CHD9: variants seen among roughly 807,000 people sequenced by gnomAD.
The protein encoded by CHD9 is ATP-dependent chromatin remodeler CHD9.
In CHD9, 77 loss-of-function variants were observed where a neutral mutation model predicts 316.1. The observed-to-expected ratio is 0.24, with a 90% CI of 0.20 to 0.29. The LOEUF is 0.29. Ranked by LOEUF, CHD9 falls within the 10% of genes least tolerant of loss-of-function variation. The pLI is 1.00. For synonymous variants in CHD9, 1,129 were observed against 1,158.3 expected (o/e 0.97, Z 0.51); for missense variants, 2,763 against 3,438.1 (o/e 0.80, Z 4.91).
chr16:53,182,666 A>G (rs1410237779), intron 2 of CHD9, among the ~76,000 whole-genome samples: 2 of 152,182 alleles, frequency 1.3e-5, no homozygotes. Context: ...GAGTTTTAGA[A>G]AAACACTTCA....
At chr16:53,077,459 G>A (rs2034637254) in intron 1 of CHD9, among the ~76,000 whole-genome samples, 2 of 151,922 alleles carry the variant, frequency 1.3e-5, no homozygotes, top group Non-Finnish European at 2.9e-5. Flanking sequence ...GAGTAGCTGG[G>A]ACTACAGGCA....
At chr16:53,181,052 C>A (rs2043472887) in intron 2 of CHD9, among the ~76,000 whole-genome samples, 1 of 151,072 alleles carries the variant, frequency 6.6e-6, no homozygotes, top group African/African-American at 2.4e-5. Context: ...CTGTTGTTGC[C>A]CAGACTGGAG....
rs1228951931 is a variant in CHD9 at position 53,304,315 on chromosome 16, C to G, written c.6309C>G (p.Arg2103=). Residue 2103 remains arginine (R), a synonymous_variant, in exon 31 of 39, where the codon CGC becomes CGG. Transcript: ENST00000447540. The stretch of plus-strand genomic sequence containing the variant: ...GTGGAAAATGTGAAACAGACAGACG[C>G]ATGGTTGCAGCCAGAACAGAACCCC... ...KSGGKCETDR[R]MVAARTEPLT... is the part of the protein sequence containing the mutation. 4 of 1,612,302 alleles carry G rather than the reference C, an allele frequency of 2.5e-6. No individual in the cohort carries two copies. The highest frequency in any genetic ancestry group is 1.7e-6 in the Non-Finnish European group (2 of 1,179,798).
At chr16:53,186,581 T>A (rs1264199325) in intron 2 of CHD9, among the ~76,000 whole-genome samples, 1 of 152,150 alleles carries the variant, frequency 6.6e-6, no homozygotes, top group Non-Finnish European at 1.5e-5. Flanking sequence ...TGTGAGGATA[T>A]AAGATTTAGG....
intron 8 of CHD9, among the ~76,000 whole-genome samples, chr16:53,230,185 A>C (rs537148177): frequency 6.6e-6 from 1 of 152,208 alleles, no homozygotes; most frequent in Non-Finnish European, 1.5e-5. Flanking sequence ...GTGATGCTCT[A>C]TTCTTCCAGT....
chr16:53,217,817 G>T (rs560498046), intron 3 of CHD9, among the ~76,000 whole-genome samples: 15 of 151,932 alleles, frequency 9.9e-5, no homozygotes, highest in Non-Finnish European at 5.9e-5. Flanking sequence ...TGTTTCCCAG[G>T]CTGGCCTCGA....
At chr16:53,233,305 C>T (rs2048337708) in intron 10 of CHD9, among the ~76,000 whole-genome samples, 1 of 152,094 alleles carries the variant, frequency 6.6e-6, no homozygotes, top group Admixed American at 6.6e-5. Flanking sequence ...CCGGTTTATT[C>T]CTAAGGATAT....
In CHD9 at chr16:53,274,214, G is replaced by A. The variant is rs2052569659; in HGVS notation, c.4879G>A (p.Val1627Ile). Residue 1627 changes from valine to isoleucine, a missense_variant and splice_region_variant, in exon 24 of 39, where the codon GTT becomes ATT. By Grantham distance (29) the Val-to-Ile change is conservative. Coordinates refer to ENST00000447540, the MANE Select transcript of CHD9 (RefSeq NM_001308319.2). Reference protein sequence around the residue: ...KKHIKHHCNKVLLRVRMLYYL... With the variant: ...KKHIKHHCNKILLRVRMLYYL... ...TGATTTATTTTCCCTTGTTTTTAGG[G>A]TTTTGCTTCGTGTGAGAATGCTGTA... 1.3e-6 allele frequency: 2 copies of A among 1,591,030 alleles called. No homozygotes were observed. Among genetic ancestry groups the A allele is most frequent in the Non-Finnish European group, 1.7e-6 (2 of 1,161,864 alleles).
chr16:53,116,731 C>T (rs1013824246), intron 1 of CHD9, among the ~76,000 whole-genome samples: 1 of 151,984 alleles, frequency 6.6e-6, no homozygotes, highest in African/African-American at 2.4e-5. Context: ...TGAGTATATA[C>T]CCAAAGGAAT....
At chr16:53,158,539 T>C (rs2041683609) in intron 2 of CHD9, among the ~76,000 whole-genome samples, 1 of 152,232 alleles carries the variant, frequency 6.6e-6, no homozygotes, top group African/African-American at 2.4e-5. Context: ...TCCTCATCTT[T>C]AAAATGTGAA....
intron 38 of CHD9, among the ~76,000 whole-genome samples, chr16:53,322,545 T>C (rs904524916): frequency 6.7e-6 from 1 of 149,240 alleles, no homozygotes. Flanking sequence ...TGAGCCAAGA[T>C]CGCACCACTG....
At chr16:53,212,582 T>C (rs2046419005) in intron 3 of CHD9, among the ~76,000 whole-genome samples, 3 of 152,176 alleles carry the variant, frequency 2.0e-5, no homozygotes, top group Admixed American at 6.6e-5. Context: ...AACCTTTTCG[T>C]TGTCACTTTT....
intron 2 of CHD9, among the ~76,000 whole-genome samples, chr16:53,176,320 T>G (rs749417049): frequency 6.6e-6 from 1 of 152,230 alleles, no homozygotes; most frequent in Non-Finnish European, 1.5e-5. Flanking sequence ...TGTTTTGTTT[T>G]GTTTTTGTTT....
At chr16:53,131,507 T>C (rs1374041430) in intron 1 of CHD9, among the ~76,000 whole-genome samples, 2 of 149,728 alleles carry the variant, frequency 1.3e-5, no homozygotes, top group African/African-American at 2.4e-5. Context: ...GCGCCTGTCA[T>C]GGCTGCGGGC....
chr16:53,203,611 G>A (rs1028075056), intron 2 of CHD9, among the ~76,000 whole-genome samples: 1 of 152,136 alleles, frequency 6.6e-6, no homozygotes, highest in Admixed American at 6.5e-5. Context: ...CTTGAGAAAG[G>A]TTGGGAGAAT....
chr16:53,147,339 C>T, intron 1 of CHD9, among the ~76,000 whole-genome samples: 1 of 152,152 alleles, frequency 6.6e-6, no homozygotes, highest in East Asian at 1.9e-4. Flanking sequence ...TCCTGACTTT[C>T]AAGATTGTTT....
rs183868459 is a variant in CHD9 at position 53,160,625 on chromosome 16, G to A, written c.1452+3084G>A. Among the ~76,000 whole-genome samples, 5 of 151,992 alleles carry A rather than the reference G, an allele frequency of 3.3e-5. No individual in the cohort carries two copies. The East Asian group carries it at 7.7e-4, about 24-fold the overall frequency. On this transcript the variant is annotated intron_variant, in intron 2 of 38. Coordinates refer to ENST00000447540, the MANE Select transcript of CHD9 (RefSeq NM_001308319.2). ...TTTGACTTACTGAAAGTCTATTCTC[G>A]GCCAGGCGCAGTGGCTCACGCCTGT...
intron 24 of CHD9, 58 bp from the exon 25 acceptor site, chr16:53,285,538 G>A: frequency 1.0e-6 from 1 of 996,972 alleles, no homozygotes; most frequent in Non-Finnish European, 1.5e-6. Flanking sequence ...GTAAAATTTT[G>A]CCTCCTTTTT....
intron 1 of CHD9, among the ~76,000 whole-genome samples, chr16:53,106,059 A>G (rs547157098): frequency 6.6e-6 from 1 of 152,190 alleles, no homozygotes; most frequent in African/African-American, 2.4e-5. Flanking sequence ...ACCTCAAGTG[A>G]TCTGCCCACC....
Sources: gnomAD v4.1 joint callset for allele counts (sites outside exome capture counted in the v4.1 genomes callset) on GRCh38, gnomAD v4.1.1 for gene constraint, MANE v1.5 for transcripts, NCBI Gene and HGNC (gene_info 2026-07-23, HGNC 2026-07-21) for gene names.